Variants in KCNH7 observed in about 807,000 individuals in gnomAD.
KCNH7 encodes potassium voltage-gated channel subfamily H member 7, also known as voltage-gated inwardly rectifying potassium channel KCNH7.
Under a neutral mutation model 120.8 loss-of-function variants are expected in KCNH7, and 49 were observed. The observed-to-expected ratio is 0.41, with a 90% CI of 0.32 to 0.51. The LOEUF (loss-of-function observed/expected upper bound fraction) is 0.51, where lower values mean the gene tolerates loss of function less well. Among genes scored for constraint, KCNH7 ranks in the 20% least tolerant of loss-of-function variants. The probability of loss-of-function intolerance (pLI) is 0.38; values close to 1 mark genes in which losing one functional copy is unlikely to be tolerated. For missense variants in KCNH7, 1,097 were observed against 1,446.6 expected (o/e 0.76, Z 3.92); for synonymous variants, 547 against 516.1 (o/e 1.06, Z -0.81).
intron 2 of KCNH7, among the ~76,000 whole-genome samples, chr2:162,577,637 C>T (rs993074438): frequency 2.6e-5 from 4 of 151,998 alleles, no homozygotes; most frequent in Admixed American, 2.0e-4. Flanking sequence ...GTTACTTCTG[C>T]ATAACTGAGA....
intron 6 of KCNH7, among the ~76,000 whole-genome samples, chr2:162,447,581 T>C (rs1252595963): frequency 6.6e-6 from 1 of 152,126 alleles, no homozygotes; most frequent in Non-Finnish European, 1.5e-5. Context: ...TGAGTACATT[T>C]CCATAGACTA....
intron 9 of KCNH7, among the ~76,000 whole-genome samples, chr2:162,406,028 T>C (rs1199662291): frequency 6.6e-6 from 1 of 152,018 alleles, no homozygotes; most frequent in Non-Finnish European, 1.5e-5. Flanking sequence ...TGATAAAAGA[T>C]AGCCAAATAG....
At chr2:162,495,099 C>T (rs563741812) in intron 6 of KCNH7, among the ~76,000 whole-genome samples, 19 of 152,222 alleles carry the variant, frequency 1.2e-4, no homozygotes, top group African/African-American at 3.4e-4. Context: ...TCTTAACTTA[C>T]GGCAATATAT....
intron 9 of KCNH7, among the ~76,000 whole-genome samples, chr2:162,400,821 A>C (rs2105445382): frequency 6.6e-6 from 1 of 152,052 alleles, no homozygotes; most frequent in South Asian, 2.1e-4. Flanking sequence ...CTAGAAAGAC[A>C]ATCAACCTTT....
intron 15 of KCNH7, 52 bp from the exon 16 acceptor site, chr2:162,372,147 C>T (rs1438376639): frequency 7.1e-7 from 1 of 1,405,698 alleles, no homozygotes; most frequent in Non-Finnish European, 9.8e-7. Flanking sequence ...GATAGATAGT[C>T]ATTGAAAATT....
intron 2 of KCNH7, among the ~76,000 whole-genome samples, chr2:162,639,887 A>G (rs1405199649): frequency 6.6e-6 from 1 of 152,116 alleles, no homozygotes; most frequent in African/African-American, 2.4e-5. Flanking sequence ...CACAGGAGAC[A>G]TATACAAAAG....
At chr2:162,607,897 A>G (rs1682834044) in intron 2 of KCNH7, among the ~76,000 whole-genome samples, 1 of 152,232 alleles carries the variant, frequency 6.6e-6, no homozygotes, top group South Asian at 2.1e-4. Flanking sequence ...TAACAAATTC[A>G]GCTAGCTTGA....
chr2:162,588,213 A>T (rs576851488), intron 2 of KCNH7, among the ~76,000 whole-genome samples: 1 of 152,200 alleles, frequency 6.6e-6, no homozygotes, highest in South Asian at 2.1e-4. Flanking sequence ...ACAAAATGAT[A>T]TTAGAAGAAA....
chr2:162,684,941 G>C (rs10199406), intron 2 of KCNH7, among the ~76,000 whole-genome samples: 1 of 151,880 alleles, frequency 6.6e-6, no homozygotes. Flanking sequence ...AAGACTTGGA[G>C]CCAACCCAAA....
intron 2 of KCNH7, among the ~76,000 whole-genome samples, chr2:162,654,582 G>A (rs1477257621): frequency 2.0e-5 from 3 of 152,094 alleles, no homozygotes; most frequent in African/African-American, 4.8e-5. Flanking sequence ...ATAAAAAATG[G>A]TATGGAAGTT....
At chr2:162,638,925 C>A (rs1397293285) in intron 2 of KCNH7, among the ~76,000 whole-genome samples, 2 of 152,128 alleles carry the variant, frequency 1.3e-5, no homozygotes, top group East Asian at 3.9e-4. Context: ...CCATATAAAT[C>A]AGGTTTGCCA....
intron 2 of KCNH7, among the ~76,000 whole-genome samples, chr2:162,819,572 G>T (rs1685032823): frequency 6.6e-6 from 1 of 152,122 alleles, no homozygotes; most frequent in Admixed American, 6.5e-5. Flanking sequence ...GTAAATTTAG[G>T]TATATGGATC....
At chr2:162,429,933 A>AT (rs576416227) in intron 8 of KCNH7, among the ~76,000 whole-genome samples, 34 of 146,888 alleles carry the variant, frequency 2.3e-4, no homozygotes, top group South Asian at 6.5e-4. Flanking sequence ...ATTTTACTTG[A>AT]TTTTTTTTTC....
At chr2:162,652,666 C>T (rs1684606927) in intron 2 of KCNH7, among the ~76,000 whole-genome samples, 1 of 152,150 alleles carries the variant, frequency 6.6e-6, no homozygotes, top group Non-Finnish European at 1.5e-5. Context: ...CTCTAGCTGT[C>T]CTGCTGTGTG....
chr2:162,415,684 T>A (rs1175509564), intron 9 of KCNH7, among the ~76,000 whole-genome samples: 1 of 152,160 alleles, frequency 6.6e-6, no homozygotes, highest in African/African-American at 2.4e-5. Flanking sequence ...TAATGTTTAA[T>A]AACAATTTTT....
At chr2:162,394,626 A>G (rs915158481) in intron 11 of KCNH7, 141 bp from the exon 12 acceptor site, 6 of 597,440 alleles carry the variant, frequency 1.0e-5, no homozygotes, top group Non-Finnish European at 1.8e-5. Context: ...CAGCTAAAAT[A>G]CCTTGCTTAA....
At chr2:162,605,129 T>G (rs966413446) in intron 2 of KCNH7, among the ~76,000 whole-genome samples, 2 of 152,098 alleles carry the variant, frequency 1.3e-5, no homozygotes, top group African/African-American at 2.4e-5. Flanking sequence ...TACTCTTACA[T>G]TAACCTGAAA....
At chr2:162,683,965 T>G (rs1435710267) in intron 2 of KCNH7, among the ~76,000 whole-genome samples, 1 of 152,062 alleles carries the variant, frequency 6.6e-6, no homozygotes, top group Non-Finnish European at 1.5e-5. Flanking sequence ...AAGGCTACGG[T>G]AACGAAAACA....
intron 6 of KCNH7, among the ~76,000 whole-genome samples, chr2:162,493,572 A>G (rs1365021659): frequency 6.6e-6 from 1 of 152,196 alleles, no homozygotes; most frequent in Non-Finnish European, 1.5e-5. Flanking sequence ...CTGCTTTACA[A>G]TTTGGTAAGG....
Sources: gnomAD v4.1 joint callset for allele counts (sites outside exome capture counted in the v4.1 genomes callset) on GRCh38, gnomAD v4.1.1 for gene constraint, MANE v1.5 for transcripts, NCBI Gene and HGNC (gene_info 2026-07-23, HGNC 2026-07-21) for gene names.